Variants in KIAA1958 observed in about 807,000 individuals in gnomAD.
KIAA1958 encodes the protein KIAA1958.
A neutral mutation model predicts 47.2 loss-of-function variants in KIAA1958; 14 were observed. The ratio of observed to expected loss-of-function variants is 0.30; its 90% CI spans 0.20 to 0.46. The LOEUF is 0.46. Among genes scored for constraint, KIAA1958 ranks in the 20% least tolerant of loss-of-function variants. The pLI is 1.00. For synonymous variants in KIAA1958, 354 were observed against 353.3 expected (o/e 1.00, Z -0.02); for missense variants, 803 against 909.2 (o/e 0.88, Z 1.50).
chr9:112,593,118 T>A (rs1395421886), intron 2 of KIAA1958, among the ~76,000 whole-genome samples: 3 of 152,248 alleles, frequency 2.0e-5, no homozygotes, highest in Non-Finnish European at 2.9e-5. Context: ...GTTTTAATTT[T>A]TGTAATGATG....
At chr9:112,637,170 C>T (rs1259417086) in intron 2 of KIAA1958, among the ~76,000 whole-genome samples, 2 of 152,170 alleles carry the variant, frequency 1.3e-5, no homozygotes, top group East Asian at 3.8e-4. Context: ...TAGAACCCCA[C>T]AAGACGTCAC....
chr9:112,557,766 CA>C (rs1789094523), intron 1 of KIAA1958, among the ~76,000 whole-genome samples: 1 of 152,142 alleles, frequency 6.6e-6, no homozygotes, highest in Non-Finnish European at 1.5e-5. Flanking sequence ...ACATGAAAAA[CA>C]AAAATATCAT....
In KIAA1958 at chr9:112,618,744, CCAACTTCAGTGTGTATCAGAGCTGCAG is replaced by C; in HGVS notation, c.1172-26903_1172-26877del. 6.4e-7 allele frequency: 1 copy of C among 1,550,680 alleles called. No individual in the cohort carries two copies. The highest frequency in any genetic ancestry group is 8.7e-7 in the Non-Finnish European group (1 of 1,147,014). On this transcript the variant is annotated intron_variant, in intron 2 of 3. Coordinates refer to ENST00000337530, the MANE Select transcript of KIAA1958 (RefSeq NM_133465.4). The surrounding 1 kb of genome is among the most constrained non-coding windows in gnomAD (Gnocchi z 7.1). The stretch of plus-strand genomic sequence containing the variant: ...AAGGGCAACATCCCTGGCAGGAAAA[CCAACTTCAGTGTGTATCAGAGCTGCAG>C]CACCTTGTCTGAGGCCCAGAGCAAC...
chr9:112,542,778 G>A (rs1210285938), intron 1 of KIAA1958, among the ~76,000 whole-genome samples: 2 of 152,022 alleles, frequency 1.3e-5, no homozygotes, highest in Non-Finnish European at 2.9e-5. Context: ...GAAAACAGCT[G>A]GGCTGAGTGT....
chr9:112,512,418 A>G (rs1834338354), intron 1 of KIAA1958, among the ~76,000 whole-genome samples: 1 of 152,196 alleles, frequency 6.6e-6, no homozygotes, highest in South Asian at 2.1e-4. Context: ...ATTGCTGTAA[A>G]TGAAAAAAAA....
At chr9:112,541,413 T>TAGAG (rs1286370648) in intron 1 of KIAA1958, among the ~76,000 whole-genome samples, 1 of 150,464 alleles carries the variant, frequency 6.6e-6, no homozygotes, top group Non-Finnish European at 1.5e-5. Context: ...TACCCAAAGG[T>TAGAG]AGAGGGTGAT....
intron 2 of KIAA1958, among the ~76,000 whole-genome samples, chr9:112,615,994 A>G (rs1836402888): frequency 6.6e-6 from 1 of 152,246 alleles, no homozygotes; most frequent in African/African-American, 2.4e-5. Context: ...CTTTGTTTGA[A>G]GTTAGAAGAC....
chr9:112,491,538 A>T (rs1283040264), intron 1 of KIAA1958, among the ~76,000 whole-genome samples: 1 of 150,978 alleles, frequency 6.6e-6, no homozygotes, highest in African/African-American at 2.4e-5. Context: ...GCTAGTAATT[A>T]TTAGCTGGTT....
intron 1 of KIAA1958, among the ~76,000 whole-genome samples, chr9:112,560,560 G>A (rs1835310459): frequency 6.6e-6 from 1 of 152,100 alleles, no homozygotes. Context: ...CACGACCGTA[G>A]AAATTATATT....
rs1031075168 is a variant in KIAA1958, at chr9:112,591,416, A to G, written c.1171+16165A>G. On this transcript the variant is annotated intron_variant, in intron 2 of 3. Coordinates refer to ENST00000337530, the MANE Select transcript of KIAA1958 (RefSeq NM_133465.4). ...CTTTTATGGCTATATACTTAAAGCA[A>G]TAAAAACTACTTTTAGTATTGGAAT... is the stretch of plus-strand genomic sequence containing the variant. Among the ~76,000 whole-genome samples the G allele has an allele frequency of 5.3e-5, 8 of 152,308 alleles. No homozygotes were observed. In the East Asian group the frequency reaches 1.2e-3, roughly 22 times the overall value.
At chr9:112,655,325 G>A (rs913830833) in intron 3 of KIAA1958, among the ~76,000 whole-genome samples, 4 of 152,102 alleles carry the variant, frequency 2.6e-5, no homozygotes, top group African/African-American at 9.7e-5. Context: ...ATGCCCACAG[G>A]ATAGGTTCGA....
intron 1 of KIAA1958, among the ~76,000 whole-genome samples, chr9:112,504,927 C>T (rs1834207299): frequency 6.6e-6 from 1 of 152,104 alleles, no homozygotes; most frequent in Non-Finnish European, 1.5e-5. Flanking sequence ...TGCTGGAGTA[C>T]AATACATTTT....
At chr9:112,489,521 G>A (rs889325333) in intron 1 of KIAA1958, among the ~76,000 whole-genome samples, 1 of 143,322 alleles carries the variant, frequency 7.0e-6, no homozygotes, top group Non-Finnish European at 1.5e-5. Context: ...TTTGTTTTTT[G>A]TGTAATTAGC....
chr9:112,570,408 T>C (rs898776006), intron 1 of KIAA1958, among the ~76,000 whole-genome samples: 48 of 152,252 alleles, frequency 3.2e-4, no homozygotes, highest in Non-Finnish European at 6.0e-4. Flanking sequence ...AAACACTTGC[T>C]GCACTTGTAT....
At chr9:112,520,763 T>G (rs1834524652) in intron 1 of KIAA1958, among the ~76,000 whole-genome samples, 1 of 152,198 alleles carries the variant, frequency 6.6e-6, no homozygotes, top group African/African-American at 2.4e-5. Context: ...AAATGGAAGC[T>G]AGAAATACTG....
At chr9:112,496,708 T>C (rs1288607239) in intron 1 of KIAA1958, among the ~76,000 whole-genome samples, 1 of 152,210 alleles carries the variant, frequency 6.6e-6, no homozygotes, top group Non-Finnish European at 1.5e-5. Flanking sequence ...CACGGTGTTC[T>C]TCCTAAAGCC....
intron 1 of KIAA1958, among the ~76,000 whole-genome samples, chr9:112,524,895 G>T (rs1834614019): frequency 6.6e-6 from 1 of 152,098 alleles, no homozygotes; most frequent in African/African-American, 2.4e-5. Flanking sequence ...GGTAAACTAG[G>T]GTTGCATTTT....
At chr9:112,639,045 A>C (rs1250364540) in intron 2 of KIAA1958, among the ~76,000 whole-genome samples, 1 of 152,208 alleles carries the variant, frequency 6.6e-6, no homozygotes, top group Non-Finnish European at 1.5e-5. Context: ...CATCACCTGC[A>C]AGTGATTTCC....
In KIAA1958 at chr9:112,558,026, A is replaced by G. The variant is rs558195004; in HGVS notation, c.-24-16031A>G. 5.9e-5 allele frequency among the ~76,000 whole-genome samples: 9 copies of G among 152,204 alleles called. No homozygotes were observed. In the South Asian group the frequency reaches 1.7e-3, roughly 28 times the overall value. On this transcript the variant is annotated intron_variant, in intron 1 of 3. Coordinates refer to ENST00000337530, the MANE Select transcript of KIAA1958 (RefSeq NM_133465.4). Reference sequence around the variant, plus strand: ...TGGATCACGAGGTCAGGAGATCGAGACCATCCTGGCCAACATGGTGAAACC... The same window carrying G: ...TGGATCACGAGGTCAGGAGATCGAGGCCATCCTGGCCAACATGGTGAAACC...
Sources: allele counts gnomAD v4.1 joint callset (sites outside exome capture counted in the v4.1 genomes callset), GRCh38; gene constraint gnomAD v4.1.1; non-coding constraint Gnocchi (gnomAD v3.1); transcripts MANE v1.5; gene names NCBI Gene and HGNC (gene_info 2026-07-23, HGNC 2026-07-21).